Variants in DPF3 observed in about 807,000 individuals in gnomAD.
The protein encoded by DPF3 is zinc finger protein DPF3.
A neutral mutation model predicts 56.8 loss-of-function variants in DPF3; 18 were observed. The observed-to-expected ratio is 0.32, with a 90% confidence interval of 0.22 to 0.47. The LOEUF (loss-of-function observed/expected upper bound fraction) is 0.47. Ranked by LOEUF, DPF3 falls within the 20% of genes least tolerant of loss-of-function variation. The pLI is 1.00. For synonymous variants in DPF3, 188 were observed against 180.2 expected (o/e 1.04, Z -0.35); for missense variants, 403 against 488.8 (o/e 0.82, Z 1.65).
intron 1 of DPF3, among the ~76,000 whole-genome samples, chr14:72,829,974 G>C (rs1291766025): frequency 6.6e-6 from 1 of 152,150 alleles, no homozygotes; most frequent in Non-Finnish European, 1.5e-5. Context: ...TCAAACTCCT[G>C]ATCTCAAGTG....
intron 1 of DPF3, among the ~76,000 whole-genome samples, chr14:72,784,415 G>A (rs1260519818): frequency 6.6e-6 from 1 of 152,068 alleles, no homozygotes; most frequent in Admixed American, 6.6e-5. Context: ...AACGACAAAG[G>A]ATACCAAAAC....
At chr14:72,703,790 C>CA (rs1888287759) in intron 6 of DPF3, among the ~76,000 whole-genome samples, 1 of 152,220 alleles carries the variant, frequency 6.6e-6, no homozygotes, top group African/African-American at 2.4e-5. Flanking sequence ...GCACACAGCA[C>CA]ATGTTCAACA....
chr14:72,824,502 C>T (rs936413758), intron 1 of DPF3, among the ~76,000 whole-genome samples: 72 of 151,900 alleles, frequency 4.7e-4, no homozygotes, highest in Non-Finnish European at 5.4e-4. Context: ...TTCTTTATGT[C>T]GCTTCAACAA....
intron 5 of DPF3, 39 bp downstream of exon 5, chr14:72,723,594 C>G: frequency 6.6e-7 from 1 of 1,524,448 alleles, no homozygotes; most frequent in Non-Finnish European, 8.8e-7. Flanking sequence ...ACCCCAGCCT[C>G]CCTCATCTCT....
chr14:72,626,673 T>C (rs1266351767), intron 9 of DPF3, among the ~76,000 whole-genome samples: 1 of 152,124 alleles, frequency 6.6e-6, no homozygotes, highest in Non-Finnish European at 1.5e-5. Flanking sequence ...ATGTTGCAGG[T>C]ATATCTTCAA....
chr14:72,698,354 G>A (rs1386008985), intron 6 of DPF3, among the ~76,000 whole-genome samples: 1 of 152,180 alleles, frequency 6.6e-6, no homozygotes, highest in Non-Finnish European at 1.5e-5. Context: ...GTTAGATGAT[G>A]TTGCCCAACT....
At position 72,616,858 on chromosome 14, in the gene DPF3, T is replaced by C. The variant is rs1386986824; in HGVS notation, c.*2439A>G. Among the ~76,000 whole-genome samples the C allele has an allele frequency of 6.6e-6, 1 of 152,224 alleles. No homozygotes were observed. The highest frequency in any genetic ancestry group is 2.4e-5 in the African/African-American group (1 of 41,468). On this transcript the variant is annotated 3_prime_UTR_variant, in exon 11 of 11. Coordinates refer to ENST00000556509, the MANE Select transcript of DPF3 (RefSeq NM_001280542.3). ...GTGATAAATGTGACCACGGAGACTT[T>C]TGTCTGCTTGTAGTACCCTGACAGT...
chr14:72,785,077 G>T (rs1892155316), intron 1 of DPF3, among the ~76,000 whole-genome samples: 1 of 152,078 alleles, frequency 6.6e-6, no homozygotes, highest in African/African-American at 2.4e-5. Context: ...CTTGAGGCCA[G>T]GAGTTGAATA....
chr14:72,741,603 G>A (rs1249658490), intron 3 of DPF3, among the ~76,000 whole-genome samples: 1 of 152,250 alleles, frequency 6.6e-6, no homozygotes, highest in East Asian at 1.9e-4. Flanking sequence ...AAGCAGAGAT[G>A]ATGAGAGCTA....
At chr14:72,788,642 C>G (rs1008324127) in intron 1 of DPF3, among the ~76,000 whole-genome samples, 2 of 152,122 alleles carry the variant, frequency 1.3e-5, no homozygotes, top group African/African-American at 4.8e-5. Flanking sequence ...CTGCCCTCCC[C>G]CTCTGCCCTC....
At chr14:72,796,234 G>A (rs934502998) in intron 1 of DPF3, among the ~76,000 whole-genome samples, 2 of 151,724 alleles carry the variant, frequency 1.3e-5, no homozygotes, top group Non-Finnish European at 2.9e-5. Context: ...CAGAGGCCAG[G>A]TGCAGTGGCT....
intron 1 of DPF3, among the ~76,000 whole-genome samples, chr14:72,841,346 G>T (rs1247624490): frequency 6.6e-6 from 1 of 152,146 alleles, no homozygotes; most frequent in Non-Finnish European, 1.5e-5. Flanking sequence ...GGACAGGGGA[G>T]CTTTGGAGTG....
intron 1 of DPF3, among the ~76,000 whole-genome samples, chr14:72,842,543 G>C (rs140993824): frequency 1.7e-3 from 263 of 152,312 alleles, no homozygotes; most frequent in Non-Finnish European, 3.1e-3. Flanking sequence ...TGGTGGGATG[G>C]GGTAGGGAGC....
In DPF3 at chr14:72,758,623, A is replaced by G. The variant is rs910787291; in HGVS notation, c.194-5252T>C. On this transcript the variant is annotated intron_variant, in intron 2 of 10. Coordinates refer to ENST00000556509, the MANE Select transcript of DPF3 (RefSeq NM_001280542.3). ...ACTACCCAAAAAGATTAGAGGTAAC[A>G]GCGCTCGGTGTGCACAAGGGGGCGG... 2.0e-5 allele frequency among the ~76,000 whole-genome samples: 3 copies of G among 152,204 alleles called. No individual in the cohort carries two copies. The East Asian group carries it at 5.8e-4, about 29-fold the overall frequency.
At position 72,616,374 on chromosome 14, in the gene DPF3, G is replaced by A. The variant is rs1380214717; in HGVS notation, c.*2923C>T. 6.6e-6 allele frequency among the ~76,000 whole-genome samples: 1 copy of A among 152,062 alleles called. No homozygotes were observed. The highest frequency in any genetic ancestry group is 1.5e-5 in the Non-Finnish European group (1 of 68,028). ...TTCATTTTAAAGTCCCCAACCCCAT[G>A]TACATCCCTCACCTCCACCCCACAG... On this transcript the variant is annotated 3_prime_UTR_variant, in exon 11 of 11. Transcript: ENST00000556509.
chr14:72,797,987 G>A (rs1892706375), intron 1 of DPF3, among the ~76,000 whole-genome samples: 1 of 152,100 alleles, frequency 6.6e-6, no homozygotes, highest in African/African-American at 2.4e-5. Context: ...AGGCTCAGTG[G>A]CTCTTGCCTG....
chr14:72,804,178 A>AGG (rs1333342692), intron 1 of DPF3, among the ~76,000 whole-genome samples: 54 of 130,726 alleles, frequency 4.1e-4, no homozygotes, highest in African/African-American at 1.8e-3. Context: ...ACTGCTTTCC[A>AGG]GGACACACAC....
chr14:72,736,534 G>A (rs977346767), intron 3 of DPF3, among the ~76,000 whole-genome samples: 1 of 152,176 alleles, frequency 6.6e-6, no homozygotes, highest in Non-Finnish European at 1.5e-5. Flanking sequence ...TGCAAAGCAT[G>A]ATGGGTAAGG....
intron 7 of DPF3, among the ~76,000 whole-genome samples, chr14:72,691,806 G>A (rs184177030): frequency 4.6e-5 from 7 of 152,106 alleles, no homozygotes; most frequent in East Asian, 3.9e-4. Flanking sequence ...ATAACTGTGC[G>A]AGCGGACAGG....
Sources: allele counts gnomAD v4.1 joint callset (sites outside exome capture counted in the v4.1 genomes callset), GRCh38; gene constraint gnomAD v4.1.1; transcripts MANE v1.5; gene names NCBI Gene and HGNC (gene_info 2026-07-23, HGNC 2026-07-21).